The following LRP1B variants were observed in gnomAD, a reference collection of about 807,000 sequenced individuals.
LRP1B encodes LDL receptor related protein 1B.
In LRP1B, 217 loss-of-function variants were observed where a neutral mutation model predicts 556.6. The observed-to-expected ratio is 0.39, with a 90% CI of 0.35 to 0.44. The LOEUF (loss-of-function observed/expected upper bound fraction) is 0.44, where lower values mean the gene tolerates loss of function less well. LRP1B is among the 20% of genes least tolerant of loss of function. The probability of loss-of-function intolerance (pLI) is 1.00; values close to 1 mark genes in which losing one functional copy is unlikely to be tolerated. For missense variants in LRP1B, 5,053 were observed against 5,620.8 expected, an observed-to-expected ratio of 0.90 and a Z score of 3.23; for synonymous variants, 2,047 against 1,865.8, an observed-to-expected ratio of 1.10 and a Z score of -2.50.
intron 1 of LRP1B, among the ~76,000 whole-genome samples, chr2:141,846,010 AAG>A (rs70994456): frequency 4.0e-5 from 6 of 150,646 alleles, no homozygotes; most frequent in South Asian, 2.1e-4. Context: ...AGGAAATTTA[AAG>A]AGAGAGAGAG....
chr2:140,380,300 AAAAAT>A (rs140067590), intron 67 of LRP1B, among the ~76,000 whole-genome samples: 1,957 of 152,268 alleles, frequency 0.013, 22 homozygotes, highest in Non-Finnish European at 0.02. Flanking sequence ...CAATTGAGGA[AAAAAT>A]AAGTGTCCAC....
At chr2:140,464,558 C>G (rs1687463289) in intron 60 of LRP1B, among the ~76,000 whole-genome samples, 1 of 152,164 alleles carries the variant, frequency 6.6e-6, no homozygotes. Context: ...ACAAGACTGA[C>G]TAAAAATACT....
intron 12 of LRP1B, among the ~76,000 whole-genome samples, chr2:141,019,271 A>G (rs544144788): frequency 6.6e-6 from 1 of 152,228 alleles, no homozygotes; most frequent in South Asian, 2.1e-4. Context: ...TATGGAAATT[A>G]CGGTGGTATC....
chr2:141,900,717 A>G (rs973010683), intron 1 of LRP1B, among the ~76,000 whole-genome samples: 8 of 152,068 alleles, frequency 5.3e-5, no homozygotes, highest in Non-Finnish European at 1.2e-4. Flanking sequence ...TATTTTTTAC[A>G]TATAAATATA....
chr2:140,888,691 C>T (rs1054749212), intron 23 of LRP1B, among the ~76,000 whole-genome samples: 8 of 151,904 alleles, frequency 5.3e-5, no homozygotes, highest in Admixed American at 3.9e-4. Context: ...AGGACAGGTG[C>T]GGTGGCTCGT....
At chr2:141,382,721 C>T (rs746831020) in intron 3 of LRP1B, among the ~76,000 whole-genome samples, 4 of 152,142 alleles carry the variant, frequency 2.6e-5, no homozygotes, top group East Asian at 1.9e-4. Context: ...AATGCAACAA[C>T]GCATTAAAAA....
At chr2:140,823,547 G>A (rs974567198) in intron 31 of LRP1B, among the ~76,000 whole-genome samples, 3 of 152,060 alleles carry the variant, frequency 2.0e-5, no homozygotes, top group South Asian at 4.1e-4. Context: ...TCACTGTACT[G>A]TAAAATTCCA....
intron 41 of LRP1B, among the ~76,000 whole-genome samples, chr2:140,611,219 A>G (rs1463980919): frequency 1.3e-5 from 2 of 152,200 alleles, no homozygotes; most frequent in East Asian, 3.9e-4. Context: ...TGTTTTTATT[A>G]TAAGAAGTTG....
chr2:140,423,546 TAAA>T (rs1347843373), intron 66 of LRP1B, among the ~76,000 whole-genome samples: 1 of 152,062 alleles, frequency 6.6e-6, no homozygotes, highest in East Asian at 1.9e-4. Context: ...TCATCCAAAT[TAAA>T]AAGAATAATT....
At chr2:141,139,688 C>A (rs951672675) in intron 7 of LRP1B, among the ~76,000 whole-genome samples, 2 of 150,900 alleles carry the variant, frequency 1.3e-5, no homozygotes, top group South Asian at 2.1e-4. Flanking sequence ...TAAAAAAGAC[C>A]GACTAGACCA....
chr2:141,218,751 G>A (rs1364204357), intron 6 of LRP1B, among the ~76,000 whole-genome samples: 2 of 152,120 alleles, frequency 1.3e-5, no homozygotes, highest in Admixed American at 1.3e-4. Flanking sequence ...TAATAAACCT[G>A]TACATGTACC....
chr2:141,280,288 T>C (rs968390633), intron 3 of LRP1B, among the ~76,000 whole-genome samples: 1 of 152,060 alleles, frequency 6.6e-6, no homozygotes, highest in East Asian at 1.9e-4. Context: ...TGACGAGTTA[T>C]TTGGTTTCAT....
At chr2:141,721,522 T>G (rs190645425) in intron 2 of LRP1B, among the ~76,000 whole-genome samples, 2 of 152,306 alleles carry the variant, frequency 1.3e-5, no homozygotes, top group African/African-American at 4.8e-5. Context: ...ACCTAATTTT[T>G]AAAAACTTCA....
chr2:140,382,476 G>A (rs1403761883), intron 67 of LRP1B, among the ~76,000 whole-genome samples: 4 of 151,862 alleles, frequency 2.6e-5, no homozygotes, highest in Non-Finnish European at 4.4e-5. Flanking sequence ...CCTCTGATCC[G>A]GATTACAAAA....
In LRP1B at chr2:140,750,213, T is replaced by G. The variant is rs114109121; in HGVS notation, c.5758+19000A>C. On this transcript the variant is annotated intron_variant, in intron 35 of 90. Coordinates refer to ENST00000389484, the MANE Select transcript of LRP1B (RefSeq NM_018557.3). ...CCCTAATGCCTCATCTAATACTGAC[T>G]AGTGAATAAGAATCAATGTTTCCAG... 4.3e-3 allele frequency among the ~76,000 whole-genome samples: 652 copies of G among 152,254 alleles called. 6 individuals are homozygous for G. Among genetic ancestry groups the G allele is most frequent in the Middle Eastern group, 0.024 (7 of 294 alleles).
At chr2:141,668,117 C>T (rs1690513795) in intron 2 of LRP1B, among the ~76,000 whole-genome samples, 1 of 152,170 alleles carries the variant, frequency 6.6e-6, no homozygotes, top group African/African-American at 2.4e-5. Flanking sequence ...GACAACTTAG[C>T]TCCATTTCTA....
At chr2:140,686,947 A>T (rs1233827606) in intron 41 of LRP1B, among the ~76,000 whole-genome samples, 7 of 152,128 alleles carry the variant, frequency 4.6e-5, no homozygotes, top group Non-Finnish European at 1.0e-4. Flanking sequence ...GAATGTGGTC[A>T]TCACAGAATT....
chr2:140,768,643 T>C (rs892487556), intron 35 of LRP1B, among the ~76,000 whole-genome samples: 1 of 151,956 alleles, frequency 6.6e-6, no homozygotes, highest in Non-Finnish European at 1.5e-5. Context: ...CGCAGCAAAA[T>C]GTTAGTGTCC....
chr2:141,441,588 ATCAGGAAT>A (rs1252521816), intron 3 of LRP1B, among the ~76,000 whole-genome samples: 1 of 152,170 alleles, frequency 6.6e-6, no homozygotes, highest in Non-Finnish European at 1.5e-5. Flanking sequence ...AAAAGCTCAC[ATCAGGAAT>A]TTCTGTTTAA....
Sources: allele counts gnomAD v4.1 joint callset (sites outside exome capture counted in the v4.1 genomes callset), GRCh38; gene constraint gnomAD v4.1.1; transcripts MANE v1.5; gene names NCBI Gene and HGNC (gene_info 2026-07-23, HGNC 2026-07-21).